SYNE2: variants seen among roughly 807,000 people sequenced by gnomAD.
SYNE2 encodes spectrin repeat containing nuclear envelope protein 2.
A neutral mutation model predicts 856.3 loss-of-function variants in SYNE2; 431 were observed. That is an observed-to-expected ratio of 0.50 (90% CI 0.47 to 0.55). The LOEUF (loss-of-function observed/expected upper bound fraction) is 0.55, where lower values mean the gene tolerates loss of function less well. Among genes scored for constraint, SYNE2 ranks in the 20% least tolerant of loss-of-function variants. SYNE2 has a pLI of 0.00. For missense variants in SYNE2, 8,129 were observed against 8,023.2 expected (o/e 1.01, Z -0.50); for synonymous variants, 2,923 against 2,872.3 (o/e 1.02, Z -0.56).
At chr14:63,913,466 C>CTT (rs200165004) in intron 2 of SYNE2, among the ~76,000 whole-genome samples, 2 of 139,628 alleles carry the variant, frequency 1.4e-5, no homozygotes, top group African/African-American at 2.6e-5. Context: ...TTCTTTCTTT[C>CTT]TTTTTTTTTT....
rs557156627 is a variant in SYNE2 at position 63,830,958 on chromosome 14, A to G, written c.-304-21543A>G. On this transcript the variant is annotated intron_variant, in intron 1 of 23. Transcript: ENST00000674003. ...CGGGTTCAAGTGATTCTCTTTCTTC[A>G]GCCTCCCGAGTATCTGGGATTACAG... 3.4e-5 allele frequency among the ~76,000 whole-genome samples: 5 copies of G among 147,334 alleles called. No individual in the cohort carries two copies. In the South Asian group the frequency reaches 1.1e-3, roughly 31 times the overall value.
At chr14:64,127,296 C>T (rs1352046792) in intron 73 of SYNE2, among the ~76,000 whole-genome samples, 3 of 151,764 alleles carry the variant, frequency 2.0e-5, no homozygotes, top group Non-Finnish European at 4.4e-5. Flanking sequence ...AAGTCTTGAC[C>T]GAGCGTAGTA....
At chr14:64,200,841 A>T (rs1269683985) in intron 99 of SYNE2, among the ~76,000 whole-genome samples, 1 of 151,126 alleles carries the variant, frequency 6.6e-6, no homozygotes, top group East Asian at 1.9e-4. Flanking sequence ...TATAGATGGC[A>T]TTAAACATGG....
chr14:63,762,245 C>T (rs1886510299), intron 1 of SYNE2: 2 of 208,850 alleles, frequency 9.6e-6, no homozygotes, highest in South Asian at 1.3e-4. Flanking sequence ...CCAGCCTTGA[C>T]CAACATGGAG....
At chr14:64,207,640 G>A (rs75032165) in intron 100 of SYNE2, among the ~76,000 whole-genome samples, 2 of 152,062 alleles carry the variant, frequency 1.3e-5, no homozygotes, top group South Asian at 4.2e-4. Context: ...GACCTGGAAT[G>A]AAGCTTATAT....
At chr14:63,987,663 A>G (rs1295552047) in intron 19 of SYNE2, among the ~76,000 whole-genome samples, 1 of 152,184 alleles carries the variant, frequency 6.6e-6, no homozygotes, top group Non-Finnish European at 1.5e-5. Context: ...CTATCATGCC[A>G]TCTCATCTGC....
intron 110 of SYNE2, 114 bp from the exon 111 acceptor site, chr14:64,220,323 C>G: frequency 8.5e-7 from 1 of 1,176,622 alleles, no homozygotes; most frequent in South Asian, 1.3e-5. Context: ...ACTCTCATTT[C>G]TGTGGCCGCA....
chr14:63,849,870 G>T (rs1428362600), upstream of SYNE2, among the ~76,000 whole-genome samples: 1 of 152,140 alleles, frequency 6.6e-6, no homozygotes, highest in East Asian at 1.9e-4. Context: ...AGTATATGCG[G>T]AATGTCTACT....
At chr14:63,974,760 G>A (rs976283496) in intron 11 of SYNE2, among the ~76,000 whole-genome samples, 3 of 69,460 alleles carry the variant, frequency 4.3e-5, no homozygotes, top group South Asian at 3.7e-4. Flanking sequence ...ATGTATATAC[G>A]TGTGTGTGTA....
At chr14:63,956,891 C>T (rs1434326053) in intron 8 of SYNE2, among the ~76,000 whole-genome samples, 1 of 152,172 alleles carries the variant, frequency 6.6e-6, no homozygotes, top group African/African-American at 2.4e-5. Context: ...ATTGTTCACT[C>T]ATCACCACAG....
At chr14:64,185,225 G>A (rs1322580077) in intron 96 of SYNE2, among the ~76,000 whole-genome samples, 1 of 152,148 alleles carries the variant, frequency 6.6e-6, no homozygotes, top group African/African-American at 2.4e-5. Flanking sequence ...TCATGCCACT[G>A]TAGTCTAGCA....
intron 1 of SYNE2, among the ~76,000 whole-genome samples, chr14:63,856,877 T>C (rs982975300): frequency 2.0e-5 from 3 of 152,132 alleles, no homozygotes; most frequent in Non-Finnish European, 4.4e-5. Flanking sequence ...GCCCAAGTGA[T>C]TCTCCCACCC....
chr14:64,208,018 C>T (rs866077296), intron 100 of SYNE2: 2 of 455,990 alleles, frequency 4.4e-6, no homozygotes, highest in Non-Finnish European at 8.8e-6. Context: ...CATGTTTATT[C>T]GTGAAGAGGT....
chr14:63,813,666 G>A (rs556863372), intron 1 of SYNE2, among the ~76,000 whole-genome samples: 12 of 152,266 alleles, frequency 7.9e-5, no homozygotes, highest in Admixed American at 3.3e-4. Flanking sequence ...GCTCATGCCT[G>A]TAATCCCAAC....
intron 10 of SYNE2, among the ~76,000 whole-genome samples, chr14:63,964,808 G>A (rs1480409027): frequency 1.3e-5 from 2 of 152,062 alleles, no homozygotes; most frequent in Non-Finnish European, 2.9e-5. Flanking sequence ...ACAGGCGTGA[G>A]CCACAGTGCC....
In SYNE2 at chr14:64,186,323, T is replaced by C. The variant is rs1393712464; in HGVS notation, c.17557-101T>C. 5.3e-6 allele frequency: 8 copies of C among 1,495,942 alleles called. No homozygotes were observed. The South Asian group carries it at 9.1e-5, about 17-fold the overall frequency. The allele number at this position is 1,495,942 out of a possible 1,614,324, so 92.7% of individuals were successfully genotyped here. On this transcript the variant is annotated intron_variant, in intron 96 of 115. Coordinates refer to ENST00000555002, the MANE Select transcript of SYNE2 (RefSeq NM_182914.3). ...GAAGGTCCCTCCCTCTCTCCTGGCC[T>C]CCCCTCCCCCAGAGTCTAATCAAAG...
intron 1 of SYNE2, among the ~76,000 whole-genome samples, chr14:63,888,892 ATAATTACAACTCT>A (rs1361611589): frequency 2.0e-5 from 3 of 152,168 alleles, no homozygotes; most frequent in Non-Finnish European, 1.5e-5. Context: ...AAATTGTGGT[ATAATTACAACTCT>A]GTAAAAACAA....
chr14:64,174,876 C>T (rs192812396), intron 94 of SYNE2, 68 bp from the exon 95 acceptor site: 84 of 1,430,696 alleles, frequency 5.9e-5, no homozygotes, highest in African/African-American at 7.0e-5. Flanking sequence ...GAAATATACA[C>T]AGGCACACAC....
At chr14:64,109,075 A>G (rs995972035) in intron 65 of SYNE2, among the ~76,000 whole-genome samples, 1 of 151,866 alleles carries the variant, frequency 6.6e-6, no homozygotes, top group Non-Finnish European at 1.5e-5. Flanking sequence ...CAGTTCTGCC[A>G]TGTTGCCCAG....
Sources: allele counts gnomAD v4.1 joint callset (sites outside exome capture counted in the v4.1 genomes callset), GRCh38; gene constraint gnomAD v4.1.1; transcripts MANE v1.5; gene names NCBI Gene and HGNC (gene_info 2026-07-23, HGNC 2026-07-21).